NPC1: variants seen among roughly 807,000 people sequenced by gnomAD.
NPC1 encodes Niemann-Pick C1 protein.
In NPC1, 85 loss-of-function variants were observed where a neutral mutation model predicts 140.4. The observed-to-expected ratio is 0.61, with a 90% CI of 0.51 to 0.72. The LOEUF is 0.72. Among genes scored for constraint, NPC1 ranks in the 30% least tolerant of loss-of-function variants. The pLI is 0.00. For synonymous variants in NPC1, 656 were observed against 624.8 expected, an observed-to-expected ratio of 1.05 and a Z score of -0.74; for missense variants, 1,504 against 1,623.8, an observed-to-expected ratio of 0.93 and a Z score of 1.27.
In NPC1 at chr18:23,516,363, C is replaced by T. The variant is rs553858189; in HGVS notation, c.432-9721G>A. ...CTGCCCAAATTTGAGATTGAATTAC[C>T]AGCTGCGCCTAAGTCAACTAAACCC... On this transcript the variant is annotated intron_variant, in intron 3 of 3. Coordinates refer to the NPC1 transcript ENST00000591107. 18 of 1,614,224 alleles carry T rather than the reference C, an allele frequency of 1.1e-5. No individual in the cohort carries two copies. In the South Asian group the frequency reaches 1.5e-4, roughly 14 times the overall value.
intron 3 of NPC1, among the ~76,000 whole-genome samples, chr18:23,512,321 G>A (rs1237836642): frequency 1.3e-5 from 2 of 152,004 alleles, no homozygotes; most frequent in Non-Finnish European, 2.9e-5. Context: ...ATGCCTGGCC[G>A]AAAGACATTT....
chr18:23,525,289 C>G (rs1370578130), downstream of NPC1, among the ~76,000 whole-genome samples: 1 of 151,992 alleles, frequency 6.6e-6, no homozygotes, highest in Non-Finnish European at 1.5e-5. Flanking sequence ...GCTCCGTCAC[C>G]CAGCCTGGAG....
chr18:23,513,940 AATTTGCAAGT>A (rs1470217491), intron 3 of NPC1, among the ~76,000 whole-genome samples: 3 of 152,206 alleles, frequency 2.0e-5, no homozygotes, highest in Non-Finnish European at 4.4e-5. Flanking sequence ...TTAGAGATAC[AATTTGCAAGT>A]ATTTTCTCCG....
chr18:23,509,380 A>AT, intron 3 of NPC1: 1 of 368,824 alleles, frequency 2.7e-6, no homozygotes. Flanking sequence ...TATTTTAAAC[A>AT]TTTTCTAGAG....
At chr18:23,585,163 A>C (rs535443634) in intron 1 of NPC1, among the ~76,000 whole-genome samples, 7 of 152,282 alleles carry the variant, frequency 4.6e-5, no homozygotes, top group Admixed American at 2.0e-4. Flanking sequence ...TTGTTTTGAC[A>C]CAGGGTCTTG....
intron 3 of NPC1, among the ~76,000 whole-genome samples, chr18:23,514,340 C>T (rs1416520902): frequency 6.6e-6 from 1 of 152,184 alleles, no homozygotes; most frequent in East Asian, 1.9e-4. Flanking sequence ...CATGGCGAAA[C>T]CCCGTCTCTA....
At chr18:23,524,087 T>C in intron 1 of NPC1, 1 of 1,606,572 alleles carries the variant, frequency 6.2e-7, no homozygotes, top group Non-Finnish European at 8.5e-7. Flanking sequence ...ATTTGCAGCA[T>C]TTTCTGACTG....
intron 4 of NPC1, among the ~76,000 whole-genome samples, chr18:23,566,058 C>T (rs1353431918): frequency 6.6e-6 from 1 of 151,946 alleles, no homozygotes; most frequent in Admixed American, 6.6e-5. Context: ...TCCTCATTAC[C>T]CAGTTAACTA....
chr18:23,533,306 T>C, intron 24 of NPC1, 49 bp downstream of exon 24: 1 of 1,536,594 alleles, frequency 6.5e-7, no homozygotes, highest in Non-Finnish European at 9.0e-7. Flanking sequence ...GAATTCCCTT[T>C]CAGTAATGTC....
At chr18:23,550,456 A>ATTTTC (rs2058852091) in intron 10 of NPC1, among the ~76,000 whole-genome samples, 1 of 109,000 alleles carries the variant, frequency 9.2e-6, no homozygotes, top group African/African-American at 3.7e-5. Context: ...TGCCTCCTGA[A>ATTTTC]TTTTCTTCCA....
In NPC1 at chr18:23,531,801, C is replaced by T. The variant is rs1050372197; in HGVS notation, c.*401G>A. 17 of 1,528,376 alleles carry T rather than the reference C, an allele frequency of 1.1e-5. No individual in the cohort carries two copies. The highest frequency in any genetic ancestry group is 1.5e-5 in the Non-Finnish European group (17 of 1,146,848). 94.7% of individuals were successfully genotyped at this position (1,528,376 alleles called of 1,614,324 possible). ...TATAAAATGTTATAAAGTGTATCTA[C>T]AACCTCAACTGTCACTAAAAATATG... On this transcript the variant is annotated 3_prime_UTR_variant, in exon 25 of 25. Coordinates refer to ENST00000269228, the MANE Select transcript of NPC1 (RefSeq NM_000271.5).
chr18:23,540,579 A>G, intron 16 of NPC1, 42 bp from the exon 17 acceptor site: 1 of 1,350,726 alleles, frequency 7.4e-7, no homozygotes, highest in South Asian at 1.2e-5. Context: ...CTGCTTAGTA[A>G]ATAAGCTTAC....
downstream of NPC1, chr18:23,529,752 A>T: frequency 6.4e-7 from 1 of 1,551,464 alleles, no homozygotes; most frequent in Non-Finnish European, 8.9e-7. Context: ...AAACAGAAGG[A>T]ATTTAAAAAA....
downstream of NPC1, chr18:23,530,432 A>C (rs1312600290): frequency 4.3e-6 from 7 of 1,614,240 alleles, no homozygotes; most frequent in African/African-American, 1.3e-5. Flanking sequence ...TCTCCTTTCC[A>C]AACACCAAGT....
chr18:23,521,022 T>G (rs982391480), downstream of NPC1, among the ~76,000 whole-genome samples: 1 of 152,084 alleles, frequency 6.6e-6, no homozygotes, highest in African/African-American at 2.4e-5. Context: ...CTGGCCCAAA[T>G]TTTTATATTT....
At chr18:23,526,994 T>C (rs1319974243), downstream of NPC1, among the ~76,000 whole-genome samples, 2 of 152,120 alleles carry the variant, frequency 1.3e-5, no homozygotes, top group African/African-American at 4.8e-5. Context: ...TGAATGAAAG[T>C]GGGCACACAG....
At chr18:23,510,375 C>T (rs2057821175) in intron 3 of NPC1, among the ~76,000 whole-genome samples, 1 of 151,708 alleles carries the variant, frequency 6.6e-6, no homozygotes, top group Admixed American at 6.6e-5. Flanking sequence ...AGGCCAGGTA[C>T]AGTGGCTCAC....
chr18:23,507,129 C>A, intron 3 of NPC1: 1 of 1,061,366 alleles, frequency 9.4e-7, no homozygotes, highest in Non-Finnish European at 1.4e-6. Context: ...CGCAAATTTT[C>A]AGTGTTAAAG....
At chr18:23,568,403 G>A (rs1046780138) in intron 4 of NPC1, among the ~76,000 whole-genome samples, 1 of 152,154 alleles carries the variant, frequency 6.6e-6, no homozygotes, top group African/African-American at 2.4e-5. Flanking sequence ...TCTGCTATCT[G>A]TTAGACCTGC....
Sources: gnomAD v4.1 joint callset for allele counts (sites outside exome capture counted in the v4.1 genomes callset) on GRCh38, gnomAD v4.1.1 for gene constraint, MANE v1.5 for transcripts, NCBI Gene and HGNC (gene_info 2026-07-23, HGNC 2026-07-21) for gene names.